TEK: variants seen among roughly 807,000 people sequenced by gnomAD.
TEK encodes the protein angiopoietin-1 receptor.
In TEK, 43 loss-of-function variants were observed where a neutral mutation model predicts 131.8. That is an observed-to-expected ratio of 0.33 (90% CI 0.26 to 0.42). The LOEUF is 0.42. TEK is among the 10% of genes least tolerant of loss of function. The pLI is 1.00. For synonymous variants in TEK, 580 were observed against 491.6 expected (o/e 1.18, Z -2.38); for missense variants, 1,162 against 1,384.4 (o/e 0.84, Z 2.55).
chr9:27,205,713 CT>C (rs1187369455), intron 14 of TEK, among the ~76,000 whole-genome samples: 1 of 152,016 alleles, frequency 6.6e-6, no homozygotes. Context: ...TATTTGAGTT[CT>C]TTTGGTATAC....
intron 1 of TEK, among the ~76,000 whole-genome samples, chr9:27,139,403 A>G (rs545247614): frequency 7.1e-6 from 1 of 139,896 alleles, no homozygotes; most frequent in African/African-American, 2.7e-5. Context: ...TCTCGGCTCA[A>G]TGCATGCTCC....
chr9:27,219,175 C>T (rs560099355), intron 20 of TEK, among the ~76,000 whole-genome samples: 1 of 152,066 alleles, frequency 6.6e-6, no homozygotes, highest in Admixed American at 6.6e-5. Flanking sequence ...TTCATGTATA[C>T]CCTGATCCTA....
chr9:27,212,535 T>C (rs1813679148), intron 16 of TEK, among the ~76,000 whole-genome samples, 172 bp from the exon 17 acceptor site: 1 of 152,096 alleles, frequency 6.6e-6, no homozygotes, highest in South Asian at 2.1e-4. Context: ...TTTTGAGTAT[T>C]GCAGGAGGGT....
At chr9:27,157,035 C>T (rs1192832767) in intron 1 of TEK, among the ~76,000 whole-genome samples, 1 of 152,120 alleles carries the variant, frequency 6.6e-6, no homozygotes, top group Non-Finnish European at 1.5e-5. Flanking sequence ...GAGAAAATAA[C>T]ATGAGAGGAT....
At chr9:27,204,300 A>G (rs1247587173) in intron 13 of TEK, among the ~76,000 whole-genome samples, 1 of 152,224 alleles carries the variant, frequency 6.6e-6, no homozygotes, top group Non-Finnish European at 1.5e-5. Context: ...TTAAATAAGG[A>G]AAAGAAATAG....
At chr9:27,180,144 G>T in intron 6 of TEK, 96 bp from the exon 7 acceptor site, 1 of 1,564,258 alleles carries the variant, frequency 6.4e-7, no homozygotes, top group South Asian at 1.1e-5. Context: ...CAGCAAAGTT[G>T]ATGGCTTAGA....
At chr9:27,175,802 C>G (rs930923880) in intron 6 of TEK, among the ~76,000 whole-genome samples, 25 of 152,150 alleles carry the variant, frequency 1.6e-4, no homozygotes, top group African/African-American at 3.9e-4. Flanking sequence ...AGAAGTGTCT[C>G]TTCATATCCT....
intron 9 of TEK, among the ~76,000 whole-genome samples, chr9:27,187,191 C>T (rs1339023939): frequency 6.6e-6 from 1 of 152,220 alleles, no homozygotes; most frequent in Non-Finnish European, 1.5e-5. Context: ...CGGCACACAA[C>T]ATCAATGTGT....
In TEK at chr9:27,204,892, C is replaced by T. The variant is rs1825348607; in HGVS notation, c.2210-19C>T. On this transcript the variant is annotated intron_variant, in intron 13 of 22. Coordinates refer to ENST00000380036, the MANE Select transcript of TEK (RefSeq NM_000459.5). ...TATGTAAACTAAACTACCTGCTTCA[C>T]CTCTGTCTTCCTGCACAGCACCAGC... 1 of 1,613,450 alleles carries T rather than the reference C, an allele frequency of 6.2e-7. No homozygotes were observed. The highest frequency in any genetic ancestry group is 1.3e-5 in the African/African-American group (1 of 74,880).
At chr9:27,142,019 G>A (rs1234630949) in intron 1 of TEK, among the ~76,000 whole-genome samples, 2 of 152,164 alleles carry the variant, frequency 1.3e-5, no homozygotes, top group African/African-American at 4.8e-5. Flanking sequence ...ATGTAGAGAA[G>A]GGCATCCTTG....
intron 1 of TEK, among the ~76,000 whole-genome samples, chr9:27,152,148 G>T (rs1823149737): frequency 6.6e-6 from 1 of 152,112 alleles, no homozygotes; most frequent in South Asian, 2.1e-4. Context: ...TTTAACCATA[G>T]CTAATACCAA....
At position 27,192,537 on chromosome 9, in the gene TEK, A is replaced by G. The variant is rs774826137; in HGVS notation, c.1538A>G (p.Tyr513Cys). The G allele has an allele frequency of 1.2e-6, 2 of 1,613,836 alleles. No individual in the cohort carries two copies. Among genetic ancestry groups the G allele is most frequent in the Non-Finnish European group, 1.7e-6 (2 of 1,179,872 alleles). The part of the protein sequence containing the change: ...TLNYLEPRTE[Y>C]ELCVQLVRRG... ...AACTATTTGGAACCTCGGACAGAAT[A>G]TGAACTCTGTGTGCAACTGGTCCGT... Residue 513 changes from tyrosine (Y) to cysteine (C), a missense_variant, in exon 11 of 23, where the codon TAT becomes TGT. Coordinates refer to ENST00000380036, the MANE Select transcript of TEK (RefSeq NM_000459.5).
At chr9:27,110,172 C>CTTTTTTTTT (rs56159018) in intron 1 of TEK, among the ~76,000 whole-genome samples, 5 of 144,864 alleles carry the variant, frequency 3.5e-5, no homozygotes, top group Non-Finnish European at 3.0e-5. Flanking sequence ...AAATTGTAGG[C>CTTTTTTTTT]TTTTTTTTTT....
At chr9:27,160,745 A>C (rs1823516744) in intron 2 of TEK, among the ~76,000 whole-genome samples, 1 of 152,234 alleles carries the variant, frequency 6.6e-6, no homozygotes, top group Non-Finnish European at 1.5e-5. Flanking sequence ...TTTCTTAGCA[A>C]AACTAGAATG....
At chr9:27,193,120 A>G (rs1344235065) in intron 11 of TEK, among the ~76,000 whole-genome samples, 1 of 152,232 alleles carries the variant, frequency 6.6e-6, no homozygotes, top group Non-Finnish European at 1.5e-5. Flanking sequence ...AAATAGAATA[A>G]GAAGCTTTTA....
chr9:27,172,638 A>T lies in TEK; in HGVS notation c.651A>T (p.Gly217=). ...AAGGATGTGAAGCCCAGAAGTGGGG[A>T]CCTGAATGCAACCATCTCTGTACTG... ...IVRRCEAQKW[G]PECNHLCTAC... The change falls in exon 5 of 23, where the codon GGA becomes GGT. Residue 217 remains glycine, a synonymous_variant. Transcript: ENST00000380036. The T allele has an allele frequency of 6.2e-7, 1 of 1,613,642 alleles. No individual in the cohort carries two copies. The highest frequency in any genetic ancestry group is 8.5e-7 in the Non-Finnish European group (1 of 1,179,674).
At chr9:27,187,886 C>T (rs968285949) in intron 9 of TEK, among the ~76,000 whole-genome samples, 35 of 151,926 alleles carry the variant, frequency 2.3e-4, no homozygotes, top group Admixed American at 6.6e-5. Context: ...TATGGCAAAC[C>T]CTAATAAACT....
intron 21 of TEK, among the ~76,000 whole-genome samples, chr9:27,222,494 A>T (rs1310776834): frequency 6.6e-6 from 1 of 152,202 alleles, no homozygotes; most frequent in South Asian, 2.1e-4. Context: ...AAGGGAAGCC[A>T]AACAGACTAA....
At chr9:27,162,637 A>G (rs183723441) in intron 2 of TEK, among the ~76,000 whole-genome samples, 1 of 152,352 alleles carries the variant, frequency 6.6e-6, no homozygotes, top group East Asian at 1.9e-4. Context: ...TAAATAACCA[A>G]AGGAATATGT....
Sources: gnomAD v4.1 joint callset for allele counts (sites outside exome capture counted in the v4.1 genomes callset) on GRCh38, gnomAD v4.1.1 for gene constraint, MANE v1.5 for transcripts, NCBI Gene and HGNC (gene_info 2026-07-23, HGNC 2026-07-21) for gene names.